The following ADAMTS3 variants were observed in gnomAD, a reference collection of about 807,000 sequenced individuals.
ADAMTS3 encodes the protein ADAM metallopeptidase with thrombospondin type 1 motif 3.
A neutral mutation model predicts 129.0 loss-of-function variants in ADAMTS3; 73 were observed. The observed-to-expected ratio is 0.57, with a 90% CI of 0.47 to 0.69. The LOEUF is 0.69. ADAMTS3 is among the 30% of genes least tolerant of loss of function. ADAMTS3 has a pLI of 0.00. For synonymous variants in ADAMTS3, 477 were observed against 510.8 expected, an observed-to-expected ratio of 0.93 and a Z score of 0.89; for missense variants, 1,457 against 1,514.5, an observed-to-expected ratio of 0.96 and a Z score of 0.63.
intron 5 of ADAMTS3, among the ~76,000 whole-genome samples, chr4:72,331,693 T>C (rs138012361): frequency 6.6e-6 from 1 of 152,288 alleles, no homozygotes; most frequent in East Asian, 1.9e-4. Context: ...AAATTAATAC[T>C]TCTAGTATCT....
intron 3 of ADAMTS3, among the ~76,000 whole-genome samples, chr4:72,520,623 G>T (rs1448718288): frequency 6.6e-6 from 1 of 152,172 alleles, no homozygotes; most frequent in African/African-American, 2.4e-5. Flanking sequence ...GTGAGACTCC[G>T]TGGGCGTAGG....
At chr4:72,427,603 A>G (rs1722602919) in intron 3 of ADAMTS3, among the ~76,000 whole-genome samples, 2 of 152,090 alleles carry the variant, frequency 1.3e-5, no homozygotes, top group Non-Finnish European at 2.9e-5. Flanking sequence ...TCTGCAACTC[A>G]GAGCTGGAAA....
At chr4:72,546,955 C>T (rs770931545) in intron 3 of ADAMTS3, among the ~76,000 whole-genome samples, 5 of 152,092 alleles carry the variant, frequency 3.3e-5, no homozygotes, top group Non-Finnish European at 7.4e-5. Flanking sequence ...TGCCAAAGAC[C>T]ACCAGAAGCA....
intron 4 of ADAMTS3, among the ~76,000 whole-genome samples, chr4:72,345,964 T>C (rs1720271008): frequency 6.6e-6 from 1 of 152,094 alleles, no homozygotes; most frequent in Admixed American, 6.6e-5. Context: ...TAAGTAAACA[T>C]ACTAGTTCAC....
intron 4 of ADAMTS3, among the ~76,000 whole-genome samples, chr4:72,375,946 C>A (rs1364310902): frequency 6.6e-6 from 1 of 151,982 alleles, no homozygotes. Context: ...ACAGATGACG[C>A]AGAAGTTGCA....
chr4:72,290,311 G>A (rs1039157674), intron 20 of ADAMTS3, among the ~76,000 whole-genome samples: 3 of 152,170 alleles, frequency 2.0e-5, no homozygotes, highest in African/African-American at 7.2e-5. Context: ...CAGATATACA[G>A]GAGGAACTGC....
intron 4 of ADAMTS3, among the ~76,000 whole-genome samples, chr4:72,393,919 C>A (rs1721663130): frequency 6.6e-6 from 1 of 152,140 alleles, no homozygotes; most frequent in Non-Finnish European, 1.5e-5. Flanking sequence ...TGAAAACAAG[C>A]TGTACTCATG....
chr4:72,514,371 G>T (rs1335104635), intron 3 of ADAMTS3, among the ~76,000 whole-genome samples: 1 of 152,038 alleles, frequency 6.6e-6, no homozygotes, highest in Non-Finnish European at 1.5e-5. Context: ...GTTTGCATGG[G>T]GCTCAGACAT....
intron 3 of ADAMTS3, among the ~76,000 whole-genome samples, chr4:72,467,256 A>C (rs1718946096): frequency 6.6e-6 from 1 of 151,954 alleles, no homozygotes; most frequent in African/African-American, 2.4e-5. Context: ...CCTTCTGTTA[A>C]TCCTATACTT....
chr4:72,322,157 C>G (rs1167713366), intron 6 of ADAMTS3, among the ~76,000 whole-genome samples: 1 of 152,098 alleles, frequency 6.6e-6, no homozygotes, highest in African/African-American at 2.4e-5. Flanking sequence ...TTATTTCCAG[C>G]TGGAGTTAAT....
chr4:72,333,711 A>G (rs1339875012), intron 5 of ADAMTS3, among the ~76,000 whole-genome samples: 40 of 152,156 alleles, frequency 2.6e-4, no homozygotes, highest in Admixed American at 2.6e-3. Context: ...TTGAGCCACA[A>G]TGACCTTTTA....
At chr4:72,459,586 A>T (rs559789764) in intron 3 of ADAMTS3, among the ~76,000 whole-genome samples, 1 of 151,696 alleles carries the variant, frequency 6.6e-6, no homozygotes, top group East Asian at 2.0e-4. Flanking sequence ...TAATAACAAG[A>T]TTGAGAAAAT....
intron 3 of ADAMTS3, among the ~76,000 whole-genome samples, chr4:72,477,540 C>A (rs1457267361): frequency 6.6e-6 from 1 of 151,904 alleles, no homozygotes; most frequent in Non-Finnish European, 1.5e-5. Context: ...ACACTCAAAG[C>A]AGTGTGTAGA....
chr4:72,308,236 CT>C (rs1181546970), intron 15 of ADAMTS3, among the ~76,000 whole-genome samples: 9 of 151,722 alleles, frequency 5.9e-5, no homozygotes, highest in African/African-American at 2.2e-4. Context: ...GCAATATTTG[CT>C]TTTTAACAAT....
intron 4 of ADAMTS3, among the ~76,000 whole-genome samples, chr4:72,383,102 CTT>C (rs775168774): frequency 3.6e-4 from 52 of 146,478 alleles, no homozygotes; most frequent in African/African-American, 1.2e-3. Context: ...AGAAGGAATG[CTT>C]TTTTTTTTTT....
chr4:72,345,381 C>T (rs759231260), intron 4 of ADAMTS3, among the ~76,000 whole-genome samples: 10 of 152,050 alleles, frequency 6.6e-5, no homozygotes, highest in Non-Finnish European at 1.3e-4. Flanking sequence ...TTGTGTTAAC[C>T]TGTTTGTATC....
chr4:72,436,421 G>A (rs1717928218), intron 3 of ADAMTS3, among the ~76,000 whole-genome samples: 1 of 152,106 alleles, frequency 6.6e-6, no homozygotes, highest in African/African-American at 2.4e-5. Flanking sequence ...CTGTAAACTT[G>A]TTCAATCATT....
chr4:72,443,068 CAG>C (rs1378653045), intron 3 of ADAMTS3, among the ~76,000 whole-genome samples: 1 of 151,670 alleles, frequency 6.6e-6, no homozygotes, highest in Non-Finnish European at 1.5e-5. Context: ...CTACCTTGCT[CAG>C]TTAATGTGTC....
At chr4:72,316,489 C>G (rs934625268) in intron 10 of ADAMTS3, among the ~76,000 whole-genome samples, 2 of 151,986 alleles carry the variant, frequency 1.3e-5, no homozygotes, top group African/African-American at 4.8e-5. Context: ...AGTTCAAGAC[C>G]AGCCTGGTCA....
Sources: allele counts gnomAD v4.1 joint callset (sites outside exome capture counted in the v4.1 genomes callset), GRCh38; gene constraint gnomAD v4.1.1; transcripts MANE v1.5; gene names NCBI Gene and HGNC (gene_info 2026-07-23, HGNC 2026-07-21).